Variants in TJP1 observed in about 807,000 individuals in gnomAD.
TJP1 encodes the protein tight junction protein ZO-1.
Under a neutral mutation model 194.2 loss-of-function variants are expected in TJP1, and 43 were observed. The observed-to-expected ratio is 0.22, with a 90% CI of 0.17 to 0.29. The LOEUF (loss-of-function observed/expected upper bound fraction) is 0.29, where lower values mean the gene tolerates loss of function less well. Among genes scored for constraint, TJP1 ranks in the 10% least tolerant of loss-of-function variants. The pLI, the probability that TJP1 is intolerant of heterozygous loss-of-function variation, is 1.00. For missense variants in TJP1, 1,971 were observed against 2,185.7 expected (o/e 0.90, Z 1.96); for synonymous variants, 801 against 779.0 (o/e 1.03, Z -0.47).
chr15:29,723,597 T>C (rs2043065804), intron 18 of TJP1, among the ~76,000 whole-genome samples: 1 of 152,186 alleles, frequency 6.6e-6, no homozygotes, highest in Non-Finnish European at 1.5e-5. Context: ...CTGTTAAACA[T>C]TTGGCCCTTA....
chr15:29,728,052 C>T, intron 15 of TJP1, 33 bp from the exon 16 acceptor site: 2 of 1,566,946 alleles, frequency 1.3e-6, no homozygotes, highest in South Asian at 1.1e-5. Context: ...AATAAGACAT[C>T]AAATTTTCAC....
chr15:29,840,615 C>A (rs563350131), intron 2 of TJP1, among the ~76,000 whole-genome samples: 2 of 152,294 alleles, frequency 1.3e-5, no homozygotes, highest in Admixed American at 6.5e-5. Context: ...GCCCACAACA[C>A]TGCCCCAGGA....
chr15:29,937,114 ATAC>A (rs1440693145), intron 2 of TJP1, among the ~76,000 whole-genome samples: 1 of 152,242 alleles, frequency 6.6e-6, no homozygotes, highest in Non-Finnish European at 1.5e-5. Context: ...TTAGCAAACC[ATAC>A]TACTATTATA....
chr15:29,898,764 C>T (rs2053552715), intron 2 of TJP1, among the ~76,000 whole-genome samples: 1 of 152,148 alleles, frequency 6.6e-6, no homozygotes, highest in South Asian at 2.1e-4. Context: ...TGCAAATATT[C>T]AAAAATCTGA....
intron 1 of TJP1, among the ~76,000 whole-genome samples, chr15:29,813,376 T>C (rs2049668738): frequency 6.6e-6 from 1 of 152,132 alleles, no homozygotes; most frequent in African/African-American, 2.4e-5. Flanking sequence ...GACAGACATA[T>C]ACAATATTTT....
intron 1 of TJP1, among the ~76,000 whole-genome samples, chr15:29,802,088 A>G (rs1034781176): frequency 6.6e-6 from 1 of 152,162 alleles, no homozygotes; most frequent in African/African-American, 2.4e-5. Context: ...TCTTAATGTT[A>G]CCATTTTATG....
At chr15:29,827,318 T>A (rs2152037411), upstream of TJP1, among the ~76,000 whole-genome samples, 1 of 152,312 alleles carries the variant, frequency 6.6e-6, no homozygotes, top group Middle Eastern at 3.4e-3. Context: ...GAGGTTTGCA[T>A]GAATGTCATC....
At chr15:29,742,580 C>A in intron 9 of TJP1, 62 bp downstream of exon 9, 1 of 1,441,386 alleles carries the variant, frequency 6.9e-7, no homozygotes, top group South Asian at 1.7e-5. Flanking sequence ...TTCTGTAAAT[C>A]CTAACAATTA....
At chr15:29,923,428 CAG>C (rs2054427702) in intron 2 of TJP1, among the ~76,000 whole-genome samples, 1 of 152,190 alleles carries the variant, frequency 6.6e-6, no homozygotes, top group Non-Finnish European at 1.5e-5. Flanking sequence ...TCTCTAACCG[CAG>C]ACTCACAGGC....
At chr15:29,777,832 G>A (rs1186959382) in intron 2 of TJP1, among the ~76,000 whole-genome samples, 1 of 152,130 alleles carries the variant, frequency 6.6e-6, no homozygotes, top group African/African-American at 2.4e-5. Flanking sequence ...GTTTGTAATT[G>A]CAAAATGCTG....
intron 8 of TJP1, chr15:29,759,996 ATCATG>A (rs1219577584): frequency 1.2e-5 from 6 of 492,362 alleles, no homozygotes; most frequent in Non-Finnish European, 2.1e-5. Flanking sequence ...GAATTGCTGG[ATCATG>A]TGCTAGTTCG....
intron 26 of TJP1, 86 bp from the exon 27 acceptor site, chr15:29,704,391 T>C: frequency 1.4e-6 from 2 of 1,480,220 alleles, no homozygotes; most frequent in East Asian, 2.5e-5. Context: ...CTTCTAATTA[T>C]ATGCTTGAAA....
intron 2 of TJP1, among the ~76,000 whole-genome samples, chr15:29,849,661 C>T (rs1256757594): frequency 6.6e-6 from 1 of 151,654 alleles, no homozygotes; most frequent in Non-Finnish European, 1.5e-5. Flanking sequence ...ATTGCTTGAA[C>T]CCGGGAGTCG....
chr15:29,740,199 T>A (rs1186296244), intron 10 of TJP1, among the ~76,000 whole-genome samples: 1 of 151,934 alleles, frequency 6.6e-6, no homozygotes. Context: ...ATGGTCTTGA[T>A]CTCCTGACCT....
chr15:29,748,089 T>C (rs906087508), intron 8 of TJP1, among the ~76,000 whole-genome samples: 1 of 152,204 alleles, frequency 6.6e-6, no homozygotes, highest in African/African-American at 2.4e-5. Context: ...CAGTACTGTT[T>C]AAGAGAATTA....
intron 15 of TJP1, chr15:29,728,673 G>T (rs947596751): frequency 5.3e-5 from 8 of 152,286 alleles, no homozygotes; most frequent in African/African-American, 1.9e-4. Flanking sequence ...TCAGAGCACA[G>T]CAACGTTTGT....
At chr15:29,917,362 C>G (rs954860466) in intron 2 of TJP1, among the ~76,000 whole-genome samples, 8 of 152,140 alleles carry the variant, frequency 5.3e-5, no homozygotes, top group African/African-American at 1.9e-4. Context: ...TTAAAAATAC[C>G]TAAGCTAACT....
chr15:29,960,818 G>A (rs1023992051), intron 1 of TJP1, among the ~76,000 whole-genome samples: 1 of 152,054 alleles, frequency 6.6e-6, no homozygotes, highest in African/African-American at 2.4e-5. Context: ...TTGGGAAGCT[G>A]AGGTAAACTG....
At position 29,709,140 on chromosome 15, in the gene TJP1, G is replaced by A. The variant is rs1595564913; in HGVS notation, c.4373-104C>T. ...TGCTGGAGTCGAGGCCCAAATGTGG[G>A]TCGCACAGCCAGAGCCTGACTCTTG... On this transcript the variant is annotated intron_variant, in intron 24 of 27. Transcript: ENST00000614355. 3 of 1,100,344 alleles carry A rather than the reference G, an allele frequency of 2.7e-6. No homozygotes were observed. The East Asian group carries it at 7.4e-5, about 27-fold the overall frequency. The allele number at this position is 1,100,344 out of a possible 1,614,324, so 68.2% of individuals were successfully genotyped here.
Sources: allele counts gnomAD v4.1 joint callset (sites outside exome capture counted in the v4.1 genomes callset), GRCh38; gene constraint gnomAD v4.1.1; transcripts MANE v1.5; gene names NCBI Gene and HGNC (gene_info 2026-07-23, HGNC 2026-07-21).